Variants in CNTN1 observed in about 807,000 individuals in gnomAD.
CNTN1 encodes the protein contactin 1, also known as contactin-1.
In CNTN1, 38 loss-of-function variants were observed where a neutral mutation model predicts 126.4. That is an observed-to-expected ratio of 0.30 (90% CI 0.23 to 0.39). The LOEUF is 0.39. CNTN1 is among the 10% of genes least tolerant of loss of function. The pLI is 1.00. For missense variants in CNTN1, 1,009 were observed against 1,248.4 expected, an observed-to-expected ratio of 0.81 and a Z score of 2.89; for synonymous variants, 413 against 422.6, an observed-to-expected ratio of 0.98 and a Z score of 0.28.
At chr12:40,825,860 G>A (rs1217858299) in intron 1 of CNTN1, among the ~76,000 whole-genome samples, 2 of 89,306 alleles carry the variant, frequency 2.2e-5, no homozygotes, top group African/African-American at 7.6e-5. Flanking sequence ...TGCTGATGAT[G>A]ATGTGTGTAT....
intron 23 of CNTN1, among the ~76,000 whole-genome samples, chr12:41,041,268 C>G (rs990947984): frequency 2.6e-5 from 4 of 152,166 alleles, no homozygotes; most frequent in African/African-American, 9.7e-5. Flanking sequence ...ATGAAGCCCA[C>G]TTGATCATGG....
chr12:40,993,991 G>C (rs551155566), intron 17 of CNTN1, among the ~76,000 whole-genome samples: 17 of 152,140 alleles, frequency 1.1e-4, no homozygotes, highest in African/African-American at 4.1e-4. Context: ...AGGTATGAAA[G>C]AATTAGATTG....
chr12:40,899,733 A>C (rs1294759152), intron 1 of CNTN1, among the ~76,000 whole-genome samples: 1 of 152,194 alleles, frequency 6.6e-6, no homozygotes, highest in East Asian at 1.9e-4. Context: ...AACTTGATTA[A>C]AATGAAAATA....
intron 20 of CNTN1, 21 bp downstream of exon 20, chr12:41,020,461 A>G (rs776595514): frequency 6.2e-5 from 87 of 1,412,532 alleles, no homozygotes; most frequent in Non-Finnish European, 8.2e-5. Flanking sequence ...TTTTTATCAA[A>G]CTAAATACAT....
At chr12:40,784,052 A>T (rs962228674) in intron 1 of CNTN1, among the ~76,000 whole-genome samples, 2 of 152,150 alleles carry the variant, frequency 1.3e-5, no homozygotes, top group African/African-American at 4.8e-5. Context: ...TAAACAAATT[A>T]TTACAGCATA....
chr12:41,042,011 G>T (rs1949426338), intron 23 of CNTN1, among the ~76,000 whole-genome samples: 3 of 152,124 alleles, frequency 2.0e-5, no homozygotes, highest in South Asian at 2.1e-4. Flanking sequence ...TGATGTTAGG[G>T]TGTCAGTTTT....
At chr12:40,754,045 T>C (rs1446269585) in intron 1 of CNTN1, among the ~76,000 whole-genome samples, 1 of 152,120 alleles carries the variant, frequency 6.6e-6, no homozygotes, top group Non-Finnish European at 1.5e-5. Context: ...TCAGTTGATA[T>C]TCCACCAGTA....
chr12:40,805,657 CTG>C (rs1796790137), intron 1 of CNTN1, among the ~76,000 whole-genome samples: 1 of 151,960 alleles, frequency 6.6e-6, no homozygotes. Flanking sequence ...TCTGAGCTAT[CTG>C]TGAGTTTGGT....
At chr12:40,861,408 G>T (rs955465723) in intron 1 of CNTN1, among the ~76,000 whole-genome samples, 14 of 152,016 alleles carry the variant, frequency 9.2e-5, no homozygotes, top group African/African-American at 3.4e-4. Flanking sequence ...AAGTAGAAAT[G>T]TCTCTCAAGT....
At chr12:40,805,638 G>T (rs1389522023) in intron 1 of CNTN1, among the ~76,000 whole-genome samples, 1 of 152,006 alleles carries the variant, frequency 6.6e-6, no homozygotes, top group Non-Finnish European at 1.5e-5. Context: ...CTATCTGATA[G>T]TTTCAATATC....
chr12:40,780,698 A>AC (rs1284211391), intron 1 of CNTN1, among the ~76,000 whole-genome samples: 1 of 150,506 alleles, frequency 6.6e-6, no homozygotes, highest in Non-Finnish European at 1.5e-5. Flanking sequence ...AAAAAAAAAA[A>AC]AAAAACACCA....
chr12:40,849,254 G>T (rs1207187247), intron 1 of CNTN1, among the ~76,000 whole-genome samples: 1 of 151,878 alleles, frequency 6.6e-6, no homozygotes, highest in Non-Finnish European at 1.5e-5. Flanking sequence ...ATTTAAAAAA[G>T]GTGTAAAGAC....
chr12:40,834,689 A>G (rs754084681), intron 1 of CNTN1, among the ~76,000 whole-genome samples: 8 of 152,174 alleles, frequency 5.3e-5, no homozygotes, highest in Non-Finnish European at 7.4e-5. Flanking sequence ...CTCCAGAACA[A>G]ATCGACAAGA....
chr12:40,939,648 C>T (rs936109663), intron 12 of CNTN1, among the ~76,000 whole-genome samples, 163 bp downstream of exon 12: 3 of 151,990 alleles, frequency 2.0e-5, no homozygotes, highest in African/African-American at 4.8e-5. Context: ...CTATCCCTGT[C>T]AGTATCTATT....
chr12:40,801,505 G>A (rs1477111639), intron 1 of CNTN1, among the ~76,000 whole-genome samples: 1 of 151,930 alleles, frequency 6.6e-6, no homozygotes. Flanking sequence ...ATTGAAGAAG[G>A]AAGTTTCCTA....
intron 20 of CNTN1, among the ~76,000 whole-genome samples, chr12:41,024,450 T>C (rs1948993879): frequency 6.6e-6 from 1 of 152,138 alleles, no homozygotes; most frequent in Non-Finnish European, 1.5e-5. Flanking sequence ...TCCATAACTT[T>C]TCTTAAACTT....
chr12:40,785,836 C>T (rs1320757797), intron 1 of CNTN1, among the ~76,000 whole-genome samples: 3 of 152,104 alleles, frequency 2.0e-5, no homozygotes, highest in Non-Finnish European at 4.4e-5. Context: ...ACAACCAGAT[C>T]TCACATTAAC....
intron 1 of CNTN1, among the ~76,000 whole-genome samples, chr12:40,742,704 C>T (rs1233598564): frequency 7.2e-5 from 11 of 151,898 alleles, no homozygotes; most frequent in Admixed American, 6.6e-5. Flanking sequence ...TTCCTAGAGA[C>T]CTGTCAGCCT....
chr12:40,775,443 T>G (rs1182655453), intron 1 of CNTN1, among the ~76,000 whole-genome samples: 3 of 151,498 alleles, frequency 2.0e-5, no homozygotes, highest in Non-Finnish European at 4.4e-5. Context: ...ATAATTATTT[T>G]TTTCCATTAT....
Sources: allele counts gnomAD v4.1 joint callset (sites outside exome capture counted in the v4.1 genomes callset), GRCh38; gene constraint gnomAD v4.1.1; transcripts MANE v1.5; gene names NCBI Gene and HGNC (gene_info 2026-07-23, HGNC 2026-07-21).